ADGRL2: variants seen among roughly 807,000 people sequenced by gnomAD.
ADGRL2 encodes adhesion G protein-coupled receptor L2.
Under a neutral mutation model 157.4 loss-of-function variants are expected in ADGRL2, and 44 were observed. The ratio of observed to expected loss-of-function variants is 0.28; its 90% CI spans 0.22 to 0.36. ADGRL2 has a LOEUF of 0.36. ADGRL2 is among the 10% of genes least tolerant of loss of function. The pLI, the probability that ADGRL2 is intolerant of heterozygous loss-of-function variation, is 1.00. For synonymous variants in ADGRL2, 585 were observed against 624.7 expected (o/e 0.94, Z 0.95); for missense variants, 1,510 against 1,768.9 (o/e 0.85, Z 2.63).
At chr1:81,422,782 T>C (rs2077148597) in intron 1 of ADGRL2, among the ~76,000 whole-genome samples, 1 of 152,196 alleles carries the variant, frequency 6.6e-6, no homozygotes, top group Admixed American at 6.5e-5. Flanking sequence ...TGTGTGAGAA[T>C]CAAATCAAAT....
intron 11 of ADGRL2, among the ~76,000 whole-genome samples, chr1:81,960,947 C>T (rs1401650746): frequency 6.6e-6 from 1 of 152,160 alleles, no homozygotes; most frequent in Non-Finnish European, 1.5e-5. Context: ...CTGTCATCTT[C>T]AGTTCTGCTC....
At chr1:81,337,301 G>A (rs530635164) in intron 1 of ADGRL2, among the ~76,000 whole-genome samples, 52 of 152,214 alleles carry the variant, frequency 3.4e-4, no homozygotes, top group African/African-American at 1.2e-3. Context: ...AGCTAAAAGA[G>A]CGCACTGGAA....
At chr1:81,594,868 A>G (rs2081201623) in intron 3 of ADGRL2, among the ~76,000 whole-genome samples, 1 of 152,238 alleles carries the variant, frequency 6.6e-6, no homozygotes, top group Admixed American at 6.5e-5. Flanking sequence ...TTTAAAATGT[A>G]TTATTTTATA....
chr1:81,695,853 T>C (rs896051563), upstream of ADGRL2, among the ~76,000 whole-genome samples: 3 of 151,694 alleles, frequency 2.0e-5, no homozygotes, highest in South Asian at 2.1e-4. Context: ...AAGTGTGAGC[T>C]CCTTGAAATT....
intron 1 of ADGRL2, among the ~76,000 whole-genome samples, chr1:81,754,536 TTTCTTTCC>T (rs2085609233): frequency 7.2e-6 from 1 of 139,380 alleles, no homozygotes; most frequent in Non-Finnish European, 1.6e-5. Flanking sequence ...TTTCTCTTTC[TTTCTTTCC>T]TTCTTTCTTT....
At chr1:81,492,239 A>T (rs1363970232) in intron 2 of ADGRL2, among the ~76,000 whole-genome samples, 1 of 152,186 alleles carries the variant, frequency 6.6e-6, no homozygotes, top group Non-Finnish European at 1.5e-5. Context: ...GACTTTGCAT[A>T]TGTGGTTTGA....
chr1:81,979,026 C>T (rs1660923271), intron 17 of ADGRL2, among the ~76,000 whole-genome samples: 1 of 151,724 alleles, frequency 6.6e-6, no homozygotes, highest in Non-Finnish European at 1.5e-5. Context: ...GCCTCCTCTT[C>T]TTCCAACATT....
At chr1:81,532,177 T>C (rs1021862836) in intron 2 of ADGRL2, among the ~76,000 whole-genome samples, 5 of 152,048 alleles carry the variant, frequency 3.3e-5, no homozygotes, top group Admixed American at 1.3e-4. Flanking sequence ...TGCATAGGAG[T>C]TCAATAAATT....
intron 1 of ADGRL2, among the ~76,000 whole-genome samples, chr1:81,393,806 A>G (rs2076602400): frequency 6.9e-6 from 1 of 145,182 alleles, no homozygotes; most frequent in South Asian, 2.2e-4. Context: ...CTATGTTAAT[A>G]CTATTGCCTT....
At chr1:81,345,905 A>C (rs1662448552) in intron 1 of ADGRL2, among the ~76,000 whole-genome samples, 1 of 152,216 alleles carries the variant, frequency 6.6e-6, no homozygotes, top group African/African-American at 2.4e-5. Flanking sequence ...CCATTTCAAA[A>C]GGTTTGAGCT....
chr1:81,793,533 T>A (rs1317133994), intron 2 of ADGRL2, among the ~76,000 whole-genome samples: 1 of 152,118 alleles, frequency 6.6e-6, no homozygotes, highest in Non-Finnish European at 1.5e-5. Context: ...CTTCTTTCAC[T>A]AACTGAAAAA....
rs1558073817 is a variant in ADGRL2 at position 81,993,468 on chromosome 1, TTCTC to T, written c.*2325_*2328del. ...TGATTATTCAGTTAGTCCTATTTCT[TTCTC>T]TTGAGGCAGTTCTCAAAACTCTAAA... On this transcript the variant is annotated 3_prime_UTR_variant, in exon 24 of 24. Transcript: ENST00000686636. Among the ~76,000 whole-genome samples the T allele has an allele frequency of 6.6e-6, 1 of 152,098 alleles. No individual in the cohort carries two copies.
chr1:81,677,429 G>T (rs2148940476), intron 3 of ADGRL2, among the ~76,000 whole-genome samples: 1 of 152,182 alleles, frequency 6.6e-6, no homozygotes, highest in South Asian at 2.1e-4. Flanking sequence ...ACATTGCTAT[G>T]GTAAGATTCG....
At chr1:81,422,322 G>A (rs895968817) in intron 1 of ADGRL2, among the ~76,000 whole-genome samples, 10 of 152,068 alleles carry the variant, frequency 6.6e-5, no homozygotes, top group African/African-American at 1.2e-4. Flanking sequence ...TCAGCTCACT[G>A]CAATCTCCAC....
In ADGRL2 at chr1:81,586,959, C is replaced by T. The variant is rs146352836; in HGVS notation, c.-143+5979C>T. ...TAATTCAAGCAGTGATGGACTGACG[C>T]TGTGGAGTGTCATTAGACTTAGGTG... On this transcript the variant is annotated intron_variant, in intron 3 of 24. Coordinates refer to the ADGRL2 transcript ENST00000370721. 6.6e-5 allele frequency among the ~76,000 whole-genome samples: 10 copies of T among 152,160 alleles called. No individual in the cohort carries two copies. The East Asian group carries it at 1.9e-3, about 30-fold the overall frequency.
At chr1:81,722,605 G>A in intron 1 of ADGRL2, 2 of 1,444,484 alleles carry the variant, frequency 1.4e-6, no homozygotes, top group Non-Finnish European at 9.6e-7. Context: ...TGTAGCCCAT[G>A]ATCTTGCCCT....
At chr1:81,405,355 C>A (rs975694511) in intron 1 of ADGRL2, among the ~76,000 whole-genome samples, 1 of 152,002 alleles carries the variant, frequency 6.6e-6, no homozygotes, top group Non-Finnish European at 1.5e-5. Context: ...AACTGAATAC[C>A]CCCAATGTGA....
At chr1:81,684,075 G>A (rs770118190) in intron 3 of ADGRL2, among the ~76,000 whole-genome samples, 6 of 152,102 alleles carry the variant, frequency 3.9e-5, no homozygotes, top group Admixed American at 6.6e-5. Flanking sequence ...TCAGCCTCCC[G>A]AAGTGCTGGG....
At chr1:81,436,272 C>T (rs192074846) in intron 1 of ADGRL2, among the ~76,000 whole-genome samples, 2 of 152,180 alleles carry the variant, frequency 1.3e-5, no homozygotes, top group East Asian at 1.9e-4. Context: ...TACTTGCCGA[C>T]GACATCACGG....
Sources: gnomAD v4.1 joint callset for allele counts (sites outside exome capture counted in the v4.1 genomes callset) on GRCh38, gnomAD v4.1.1 for gene constraint, MANE v1.5 for transcripts, NCBI Gene and HGNC (gene_info 2026-07-23, HGNC 2026-07-21) for gene names.